ANKRD42: variants seen among roughly 807,000 people sequenced by gnomAD.
ANKRD42 encodes the protein ankyrin repeat domain-containing protein 42.
Under a neutral mutation model 51.5 loss-of-function variants are expected in ANKRD42, and 43 were observed. The ratio of observed to expected loss-of-function variants is 0.83; its 90% CI spans 0.65 to 1.08. The LOEUF (loss-of-function observed/expected upper bound fraction) is 1.08. Among genes scored for constraint, ANKRD42 ranks in the 50% least tolerant of loss-of-function variants. ANKRD42 has a pLI of 0.00. For missense variants in ANKRD42, 608 were observed against 629.3 expected, an observed-to-expected ratio of 0.97 and a Z score of 0.36; for synonymous variants, 203 against 213.0, an observed-to-expected ratio of 0.95 and a Z score of 0.41.
chr11:83,202,727 C>A (rs1220249296), intron 2 of ANKRD42, among the ~76,000 whole-genome samples: 1 of 152,100 alleles, frequency 6.6e-6, no homozygotes, highest in Non-Finnish European at 1.5e-5. Flanking sequence ...TTAGTGCTAC[C>A]TCTAAATCTT....
intron 2 of ANKRD42, among the ~76,000 whole-genome samples, chr11:83,199,338 T>G (rs1418810034): frequency 1.3e-5 from 2 of 152,206 alleles, no homozygotes; most frequent in Non-Finnish European, 2.9e-5. Flanking sequence ...CATATGATTA[T>G]ATCATTATTT....
At chr11:83,215,367 T>C (rs1240004693) in intron 5 of ANKRD42, among the ~76,000 whole-genome samples, 2 of 152,186 alleles carry the variant, frequency 1.3e-5, no homozygotes, top group Admixed American at 6.5e-5. Context: ...GTGGGTGTTT[T>C]GTAGGCAGCC....
intron 5 of ANKRD42, chr11:83,212,742 A>T (rs879398170): frequency 6.5e-7 from 1 of 1,535,572 alleles, no homozygotes; most frequent in Non-Finnish European, 8.7e-7. Flanking sequence ...GCATGGCCTC[A>T]TCTTTCTATA....
downstream of ANKRD42, chr11:83,261,969 G>C (rs749693938): frequency 6.3e-7 from 1 of 1,582,690 alleles, no homozygotes; most frequent in Admixed American, 1.7e-5. Flanking sequence ...CACCGAAGCT[G>C]TGAAAAGAAG....
chr11:83,249,041 G>C, downstream of ANKRD42: 2 of 940,096 alleles, frequency 2.1e-6, no homozygotes, highest in Non-Finnish European at 2.5e-6. Flanking sequence ...TTTAGTATCA[G>C]AGAGGCCAGC....
chr11:83,263,859 T>C (rs549501799), downstream of ANKRD42, among the ~76,000 whole-genome samples: 1 of 152,294 alleles, frequency 6.6e-6, no homozygotes, highest in African/African-American at 2.4e-5. Flanking sequence ...GCTATTTTAC[T>C]TGTGCCCCAT....
At chr11:83,233,346 T>C (rs1303524930) in intron 7 of ANKRD42, among the ~76,000 whole-genome samples, 1 of 152,078 alleles carries the variant, frequency 6.6e-6, no homozygotes, top group African/African-American at 2.4e-5. Flanking sequence ...AATTTATTTC[T>C]TCTAGATTTT....
downstream of ANKRD42, chr11:83,261,909 T>C: frequency 6.2e-7 from 1 of 1,601,438 alleles, no homozygotes; most frequent in Non-Finnish European, 8.5e-7. Flanking sequence ...TGAGCATTAA[T>C]ACTACTTCCA....
At position 83,200,224 on chromosome 11, in the gene ANKRD42, G is replaced by A. The variant is rs113490132; in HGVS notation, c.222+1582G>A. Among the ~76,000 whole-genome samples, 173 of 152,162 alleles carry A rather than the reference G, an allele frequency of 1.1e-3. 1 individual carries two copies. Among genetic ancestry groups the A allele is most frequent in the African/African-American group, 4.0e-3 (167 of 41,522 alleles). On this transcript the variant is annotated intron_variant, in intron 2 of 10. Transcript: ENST00000533342. ...CAGCTTCTCTTACTACTCTCACTCA[G>A]TCTACTTTGGTTAACTCACTCCTCC...
downstream of ANKRD42, among the ~76,000 whole-genome samples, chr11:83,251,499 C>A (rs1863674602): frequency 6.6e-6 from 1 of 152,202 alleles, no homozygotes; most frequent in East Asian, 1.9e-4. Context: ...ATGAAGAAAT[C>A]AACTCTCAGA....
chr11:83,259,027 G>A (rs1168158383), downstream of ANKRD42: 1 of 152,150 alleles, frequency 6.6e-6, no homozygotes, highest in East Asian at 1.9e-4. Context: ...CAGTATGAAT[G>A]CAGTATTTTC....
chr11:83,194,353 G>A lies in ANKRD42; in HGVS notation c.-318G>A, dbSNP rs1328499821. On this transcript the variant is annotated 5_prime_UTR_variant, in exon 1 of 11. Transcript: ENST00000533342. The stretch of plus-strand genomic sequence containing the variant: ...TGGCTCCTGGGAGGGAGGGAGTGTC[G>A]AAGGCGGCCACAGCGTTGGTAGTTC... 1 of 579,132 alleles carries A rather than the reference G, an allele frequency of 1.7e-6. No individual in the cohort carries two copies. Among genetic ancestry groups the A allele is most frequent in the African/African-American group, 1.8e-5 (1 of 54,422 alleles). 35.9% of individuals were successfully genotyped at this position (579,132 alleles called of 1,614,324 possible). A position where few individuals can be genotyped will look rare whatever the true frequency, so the allele number is the denominator to read the frequency against.
At chr11:83,213,285 C>G (rs1862399988) in intron 5 of ANKRD42, 1 of 1,593,844 alleles carries the variant, frequency 6.3e-7, no homozygotes, top group South Asian at 1.1e-5. Context: ...TGCAACAGAT[C>G]TTACTGTGCT....
At chr11:83,195,253 T>C (rs577657775) in intron 1 of ANKRD42, among the ~76,000 whole-genome samples, 1 of 152,340 alleles carries the variant, frequency 6.6e-6, no homozygotes, top group Non-Finnish European at 1.5e-5. Flanking sequence ...ATCCAGTAAA[T>C]ATTTACTGCA....
chr11:83,259,331 A>C (rs1387829645), downstream of ANKRD42: 2 of 152,192 alleles, frequency 1.3e-5, no homozygotes, highest in African/African-American at 4.8e-5. Context: ...CCCCAGAACC[A>C]CCATCAAAAT....
At chr11:83,263,718 T>A (rs545366992), downstream of ANKRD42, among the ~76,000 whole-genome samples, 3 of 152,284 alleles carry the variant, frequency 2.0e-5, no homozygotes, top group South Asian at 6.2e-4. Flanking sequence ...CTCTCCTGAT[T>A]AGTGAAAGTG....
rs750122077 is a variant in ANKRD42 at position 83,210,424 on chromosome 11, G to A, written c.450+5G>A. On this transcript the variant is annotated splice_donor_5th_base_variant and intron_variant, in intron 4 of 10. Coordinates refer to ENST00000533342, the MANE Select transcript of ANKRD42 (RefSeq NM_001300975.2). ...ATAATGCTCCGAAGTGGAGTGGTGA[G>A]TGACTCCTGTTAATATGTGCTAATG... 5.0e-6 allele frequency: 8 copies of A among 1,613,444 alleles called. No individual in the cohort carries two copies. Among genetic ancestry groups the A allele is most frequent in the Non-Finnish European group, 6.8e-6 (8 of 1,179,656 alleles).
At chr11:83,221,322 C>G (rs1338938467) in intron 5 of ANKRD42, among the ~76,000 whole-genome samples, 1 of 152,128 alleles carries the variant, frequency 6.6e-6, no homozygotes, top group African/African-American at 2.4e-5. Flanking sequence ...ACTAAGTTTC[C>G]TTAAAACTGC....
At chr11:83,254,591 CA>C (rs1171341670) in intron 11 of ANKRD42, among the ~76,000 whole-genome samples, 1 of 151,908 alleles carries the variant, frequency 6.6e-6, no homozygotes, top group East Asian at 1.9e-4. Context: ...AGGACAAGCC[CA>C]GCTAATTTTT....
Sources: allele counts gnomAD v4.1 joint callset (sites outside exome capture counted in the v4.1 genomes callset), GRCh38; gene constraint gnomAD v4.1.1; transcripts MANE v1.5; gene names NCBI Gene and HGNC (gene_info 2026-07-23, HGNC 2026-07-21).